The following TMEM182 variants were observed in gnomAD, a reference collection of about 807,000 sequenced individuals.
The protein encoded by TMEM182 is transmembrane protein 182.
Under a neutral mutation model 26.8 loss-of-function variants are expected in TMEM182, and 20 were observed. The ratio of observed to expected loss-of-function variants is 0.75; its 90% CI spans 0.53 to 1.09. The LOEUF (loss-of-function observed/expected upper bound fraction) is 1.09, where lower values mean the gene tolerates loss of function less well. Ranked by LOEUF, TMEM182 falls within the 50% of genes least tolerant of loss-of-function variation. The pLI, the probability that TMEM182 is intolerant of heterozygous loss-of-function variation, is 0.00. For synonymous variants in TMEM182, 109 were observed against 102.2 expected (o/e 1.07, Z -0.40); for missense variants, 277 against 275.5 (o/e 1.01, Z -0.04).
intron 3 of TMEM182, among the ~76,000 whole-genome samples, chr2:102,840,022 G>A (rs1459123734): frequency 6.6e-6 from 1 of 152,220 alleles, no homozygotes; most frequent in East Asian, 1.9e-4. Flanking sequence ...TCTGTTCTTA[G>A]TGAGAAGTAG....
chr2:102,807,328 G>T (rs1028136813), intron 4 of TMEM182, among the ~76,000 whole-genome samples: 1 of 152,178 alleles, frequency 6.6e-6, no homozygotes, highest in Non-Finnish European at 1.5e-5. Flanking sequence ...AAGAATTAAG[G>T]CTGTGTCAGA....
intron 1 of TMEM182, among the ~76,000 whole-genome samples, chr2:102,756,342 C>T (rs1680032259): frequency 6.6e-6 from 1 of 152,196 alleles, no homozygotes; most frequent in African/African-American, 2.4e-5. Context: ...AAACACCGCT[C>T]ATTTGACACA....
At chr2:102,760,207 T>A (rs1328639592), upstream of TMEM182, among the ~76,000 whole-genome samples, 1 of 151,480 alleles carries the variant, frequency 6.6e-6, no homozygotes, top group Admixed American at 6.6e-5. Flanking sequence ...AGGAAGAGAG[T>A]GTTTGGCTTA....
At chr2:102,821,491 T>C (rs1682914561), downstream of TMEM182, among the ~76,000 whole-genome samples, 1 of 152,178 alleles carries the variant, frequency 6.6e-6, no homozygotes. Flanking sequence ...CTCTTTGCCT[T>C]CTGCCATGAG....
chr2:102,741,487 T>C (rs1354730730), intron 1 of TMEM182, among the ~76,000 whole-genome samples: 2 of 152,174 alleles, frequency 1.3e-5, no homozygotes, highest in Non-Finnish European at 2.9e-5. Flanking sequence ...GAGCATTCTC[T>C]GTAACAAAGG....
chr2:102,765,407 G>T (rs992100349), intron 3 of TMEM182, among the ~76,000 whole-genome samples: 1 of 152,170 alleles, frequency 6.6e-6, no homozygotes. Flanking sequence ...CTGATTGGAT[G>T]AGGCCCGCTC....
chr2:102,775,515 C>T (rs1233315181), intron 3 of TMEM182: 1 of 152,154 alleles, frequency 6.6e-6, no homozygotes, highest in Non-Finnish European at 1.5e-5. Context: ...TCCTATTCAA[C>T]ATAGTGTTGG....
intron 4 of TMEM182, among the ~76,000 whole-genome samples, chr2:102,807,751 G>A (rs936001977): frequency 6.6e-6 from 1 of 152,174 alleles, no homozygotes; most frequent in African/African-American, 2.4e-5. Flanking sequence ...CTCATATTTC[G>A]TCCTTTAGCA....
At chr2:102,753,203 C>CG (rs1553436438) in intron 1 of TMEM182, among the ~76,000 whole-genome samples, 2 of 151,916 alleles carry the variant, frequency 1.3e-5, no homozygotes. Flanking sequence ...TTCCCCCCCC[C>CG]ACTGCCTTCA....
chr2:102,752,688 G>T (rs1482410312), intron 1 of TMEM182, among the ~76,000 whole-genome samples: 2 of 152,188 alleles, frequency 1.3e-5, no homozygotes, highest in African/African-American at 4.8e-5. Flanking sequence ...ACCTGAACTT[G>T]CTGGGTCATT....
Position 102,837,982 on chromosome 2 carries a change from G to A in TMEM182, c.326-5430G>A, listed in dbSNP as rs191321804. 2.2e-3 allele frequency among the ~76,000 whole-genome samples: 334 copies of A among 152,298 alleles called. 2 individuals are homozygous for A. The highest frequency in any genetic ancestry group is 7.9e-3 in the East Asian group (41 of 5,166). ...AGAATTTCAAGACGGCGGCAGCAAA[G>A]CACTAAACAAAGTGCAGGGCCCTTC... On this transcript the variant is annotated intron_variant, in intron 3 of 3. Transcript: ENST00000486293.
rs563966621 is a variant in TMEM182, at chr2:102,823,346, T to A, written c.326-20066T>A. On this transcript the variant is annotated intron_variant, in intron 3 of 3. Transcript: ENST00000486293. Reference sequence around the variant, plus strand: ...GTTCTTCCTTTATTTTTTATTTTTATTTTTTTGATGGAGTCTCAAACTGTC... The same window carrying A: ...GTTCTTCCTTTATTTTTTATTTTTAATTTTTTGATGGAGTCTCAAACTGTC... Among the ~76,000 whole-genome samples the A allele has an allele frequency of 7.1e-3, 1,088 of 152,256 alleles. 11 individuals carry two copies. The highest frequency in any genetic ancestry group is 0.025 in the African/African-American group (1,045 of 41,548).
rs1300978387 is a variant in TMEM182, at chr2:102,814,780, G to A, written c.502G>A (p.Val168Ile). The A allele has an allele frequency of 3.7e-6, 6 of 1,613,660 alleles. No individual in the cohort carries two copies. The African/African-American group carries it at 6.7e-5, about 18-fold the overall frequency. Residue 168 changes from valine (V) to isoleucine (I), a missense_variant, in exon 5 of 5, where the codon GTC (valine) becomes ATC (isoleucine). Physicochemically the swap from Val to Ile is conservative, Grantham distance 29. Transcript: ENST00000412401. ...ILFSLVVMLY[V>I]IWVQAVADME... Reference sequence around the variant, plus strand: ...ATTTTCATTGGTGGTGATGCTGTATGTCATCTGGGTCCAGGCAGTGGCTGA... The same window carrying A: ...ATTTTCATTGGTGGTGATGCTGTATATCATCTGGGTCCAGGCAGTGGCTGA...
chr2:102,825,851 C>G (rs1342605206), intron 3 of TMEM182, among the ~76,000 whole-genome samples: 3 of 152,138 alleles, frequency 2.0e-5, no homozygotes, highest in Non-Finnish European at 4.4e-5. Context: ...GTAACTCGCC[C>G]AAGGCCACAC....
chr2:102,792,883 G>A (rs1044757073), intron 3 of TMEM182, among the ~76,000 whole-genome samples: 1 of 152,168 alleles, frequency 6.6e-6, no homozygotes, highest in East Asian at 1.9e-4. Flanking sequence ...ACTCGCAGTG[G>A]TCAGGAATGA....
chr2:102,828,189 C>T (rs893700020), intron 3 of TMEM182, among the ~76,000 whole-genome samples: 3 of 152,100 alleles, frequency 2.0e-5, no homozygotes, highest in Admixed American at 6.5e-5. Flanking sequence ...ACATGGCTCT[C>T]TGTAGTTATT....
At chr2:102,772,614 T>A (rs1680725192) in intron 3 of TMEM182, among the ~76,000 whole-genome samples, 1 of 150,820 alleles carries the variant, frequency 6.6e-6, no homozygotes, top group South Asian at 2.1e-4. Context: ...AAGGGTTCTA[T>A]GGGGGTACAA....
At chr2:102,811,186 G>A (rs1309526620) in intron 4 of TMEM182, among the ~76,000 whole-genome samples, 1 of 151,884 alleles carries the variant, frequency 6.6e-6, no homozygotes, top group African/African-American at 2.4e-5. Context: ...AAAAAGTACA[G>A]GCCTGTGATT....
At chr2:102,795,995 C>G (rs925658435) in intron 3 of TMEM182, among the ~76,000 whole-genome samples, 1 of 152,068 alleles carries the variant, frequency 6.6e-6, no homozygotes, top group Non-Finnish European at 1.5e-5. Context: ...TTTTAAGTGC[C>G]CACGCCTCCA....
Sources: allele counts gnomAD v4.1 joint callset (sites outside exome capture counted in the v4.1 genomes callset), GRCh38; gene constraint gnomAD v4.1.1; transcripts MANE v1.5; gene names NCBI Gene and HGNC (gene_info 2026-07-23, HGNC 2026-07-21).